PIGK: variants seen among roughly 807,000 people sequenced by gnomAD.
The protein encoded by PIGK is phosphatidylinositol glycan anchor biosynthesis class K, also known as GPI-anchor transamidase.
In PIGK, 42 loss-of-function variants were observed where a neutral mutation model predicts 50.6. The ratio of observed to expected loss-of-function variants is 0.83; its 90% CI spans 0.65 to 1.07. The LOEUF is 1.07. Ranked by LOEUF, PIGK falls within the 50% of genes least tolerant of loss-of-function variation. PIGK has a pLI of 0.00. For missense variants in PIGK, 448 were observed against 488.7 expected, an observed-to-expected ratio of 0.92 and a Z score of 0.78; for synonymous variants, 151 against 156.0, an observed-to-expected ratio of 0.97 and a Z score of 0.24.
chr1:77,180,310 T>C (rs969651883), intron 3 of PIGK, among the ~76,000 whole-genome samples: 1 of 152,184 alleles, frequency 6.6e-6, no homozygotes, highest in Non-Finnish European at 1.5e-5. Context: ...TGGAATTGTA[T>C]AGCAAGTGTA....
chr1:77,171,419 A>G (rs1401388783), intron 3 of PIGK, among the ~76,000 whole-genome samples: 1 of 132,840 alleles, frequency 7.5e-6, no homozygotes, highest in Admixed American at 8.2e-5. Flanking sequence ...CCTGGGCAAC[A>G]GAGCAAGACT....
chr1:77,203,877 A>C (rs1344494358), intron 3 of PIGK, among the ~76,000 whole-genome samples: 3 of 152,130 alleles, frequency 2.0e-5, no homozygotes, highest in Non-Finnish European at 2.9e-5. Flanking sequence ...CTTTAGTTTA[A>C]TCTCTTAATC....
intron 3 of PIGK, among the ~76,000 whole-genome samples, chr1:77,172,598 T>C (rs1313078579): frequency 1.3e-5 from 2 of 152,226 alleles, no homozygotes; most frequent in Non-Finnish European, 2.9e-5. Context: ...TAAGTGGTAA[T>C]ATTGCAGGGG....
chr1:77,179,349 G>C (rs562192266), intron 3 of PIGK, among the ~76,000 whole-genome samples: 1 of 152,346 alleles, frequency 6.6e-6, no homozygotes, highest in Admixed American at 6.5e-5. Flanking sequence ...AATGTGGTCT[G>C]AGAAGGACTC....
At chr1:77,143,581 A>C (rs546277404) in intron 9 of PIGK, among the ~76,000 whole-genome samples, 1 of 152,266 alleles carries the variant, frequency 6.6e-6, no homozygotes, top group African/African-American at 2.4e-5. Flanking sequence ...ACAATTCAAT[A>C]TCAAAATTAT....
At chr1:77,114,984 A>G (rs191937494) in intron 10 of PIGK, among the ~76,000 whole-genome samples, 1 of 152,316 alleles carries the variant, frequency 6.6e-6, no homozygotes, top group East Asian at 1.9e-4. Context: ...CCAGATATTG[A>G]TAATTCAATA....
rs751178813 is a variant in PIGK, at chr1:77,092,367, A to T, written c.*7T>A. 2 of 1,260,610 alleles carry T rather than the reference A, an allele frequency of 1.6e-6. No homozygotes were observed. The highest frequency in any genetic ancestry group is 2.3e-6 in the Non-Finnish European group (2 of 873,512). 78.1% of individuals were successfully genotyped at this position (1,260,610 alleles called of 1,614,324 possible). The stretch of plus-strand genomic sequence containing the variant: ...GTCCTCCATGCATTCTTCATTCATC[A>T]TCAAGTCTAAAAAATGAACTTCATA... On this transcript the variant is annotated 3_prime_UTR_variant, in exon 11 of 11. Transcript: ENST00000370812.
In PIGK at chr1:77,092,100, T is replaced by C. The variant is rs1258697281; in HGVS notation, c.*274A>G. 5.5e-6 allele frequency: 1 copy of C among 183,112 alleles called. No homozygotes were observed. Among genetic ancestry groups the C allele is most frequent in the Non-Finnish European group, 1.1e-5 (1 of 89,278 alleles). The allele number at this position is 183,112 out of a possible 1,614,324, so 11.3% of individuals were successfully genotyped here. A position where few individuals can be genotyped will look rare whatever the true frequency, so the allele number is the denominator to read the frequency against. On this transcript the variant is annotated 3_prime_UTR_variant, in exon 11 of 11. Transcript: ENST00000370812. ...CAAATGAAAAGGGGATAAGGGGAAA[T>C]TACTATTTTCAAAAACAGTCAATGT...
chr1:77,161,258 T>C (rs375268548), intron 8 of PIGK, 37 bp downstream of exon 8: 22 of 954,780 alleles, frequency 2.3e-5, no homozygotes, highest in Non-Finnish European at 3.6e-5. Context: ...AAGGTTAGCA[T>C]ACCTATGTGC....
At chr1:77,198,776 C>T (rs1656091058) in intron 3 of PIGK, among the ~76,000 whole-genome samples, 2 of 152,034 alleles carry the variant, frequency 1.3e-5, no homozygotes, top group South Asian at 4.1e-4. Context: ...AATTGAAAGA[C>T]TTAATACCAA....
Position 77,101,543 on chromosome 1 carries a change from T to C in PIGK, c.1072-9053A>G, listed in dbSNP as rs1653540978. Among the ~76,000 whole-genome samples the C allele has an allele frequency of 3.9e-5, 6 of 152,210 alleles. No homozygotes were observed. The South Asian group carries it at 1.2e-3, about 32-fold the overall frequency. On this transcript the variant is annotated intron_variant, in intron 10 of 10. Transcript: ENST00000370812. ...AGGCCAATTTGTCTTAGTTATGTAT[T>C]ATTTTCCTCTTGAAGACAAGAAATA... is the stretch of plus-strand genomic sequence containing the variant.
intron 3 of PIGK, among the ~76,000 whole-genome samples, chr1:77,202,054 A>C (rs77009874): frequency 1.4e-5 from 2 of 144,924 alleles, no homozygotes; most frequent in South Asian, 2.2e-4. Context: ...TGAGACAATC[A>C]AAAAAAAAAA....
intron 9 of PIGK, among the ~76,000 whole-genome samples, chr1:77,137,180 G>A (rs372441733): frequency 1.1e-4 from 16 of 152,230 alleles, no homozygotes; most frequent in African/African-American, 3.9e-4. Context: ...GAGGATAAAG[G>A]ACCACATGGG....
At chr1:77,181,357 C>A (rs1655610688) in intron 3 of PIGK, among the ~76,000 whole-genome samples, 1 of 152,036 alleles carries the variant, frequency 6.6e-6, no homozygotes, top group Admixed American at 6.5e-5. Context: ...AGTCCTGGAC[C>A]ATTAGAGTGT....
In PIGK at chr1:77,196,799, T is replaced by G. The variant is rs139310104; in HGVS notation, c.239+9841A>C. On this transcript the variant is annotated intron_variant, in intron 3 of 10. Coordinates refer to ENST00000370812, the MANE Select transcript of PIGK (RefSeq NM_005482.3). ...TTACTCTGTTGATAGTTTCTTTTCC[T>G]GTGCAAAAGCTCTTTATTTTAATTA... 9.6e-3 allele frequency among the ~76,000 whole-genome samples: 1,470 copies of G among 152,338 alleles called. 19 individuals carry two copies. The highest frequency in any genetic ancestry group is 0.057 in the South Asian group (273 of 4,828).
intron 3 of PIGK, among the ~76,000 whole-genome samples, chr1:77,180,825 G>A (rs1001847187): frequency 3.9e-5 from 6 of 152,040 alleles, no homozygotes; most frequent in African/African-American, 1.4e-4. Flanking sequence ...TTATCTCAGC[G>A]AGCAGAGGGG....
chr1:77,205,313 T>C (rs1656263583), intron 3 of PIGK, among the ~76,000 whole-genome samples: 1 of 151,676 alleles, frequency 6.6e-6, no homozygotes, highest in Non-Finnish European at 1.5e-5. Context: ...ACAAGAATTA[T>C]ATCTATACAC....
intron 10 of PIGK, among the ~76,000 whole-genome samples, chr1:77,110,011 T>C (rs1228796065): frequency 2.6e-5 from 4 of 152,254 alleles, no homozygotes; most frequent in East Asian, 1.9e-4. Flanking sequence ...CCATTCACAA[T>C]TGCTTCAAAG....
intron 9 of PIGK, chr1:77,129,048 C>T: frequency 1.3e-6 from 1 of 785,854 alleles, no homozygotes; most frequent in East Asian, 2.4e-5. Flanking sequence ...TGGCCTATGA[C>T]CTACAAATGC....
Sources: gnomAD v4.1 joint callset for allele counts (sites outside exome capture counted in the v4.1 genomes callset) on GRCh38, gnomAD v4.1.1 for gene constraint, MANE v1.5 for transcripts, NCBI Gene and HGNC (gene_info 2026-07-23, HGNC 2026-07-21) for gene names.